Variants in ZNF432 observed in about 807,000 individuals in gnomAD.
ZNF432 encodes the protein zinc finger protein 432.
In ZNF432, 10 loss-of-function variants were observed where a neutral mutation model predicts 13.9. That is an observed-to-expected ratio of 0.72 (90% CI 0.44 to 1.22). ZNF432 has a LOEUF of 1.22. Ranked by LOEUF, ZNF432 falls within the 50% of genes most tolerant of loss-of-function variation. The probability of loss-of-function intolerance (pLI) is 0.00; values close to 1 mark genes in which losing one functional copy is unlikely to be tolerated. For synonymous variants in ZNF432, 247 were observed against 256.2 expected (o/e 0.96, Z 0.34); for missense variants, 793 against 796.2 (o/e 1.00, Z 0.05).
At chr19:52,046,136 T>C (rs2087180648) in intron 2 of ZNF432, among the ~76,000 whole-genome samples, 1 of 152,044 alleles carries the variant, frequency 6.6e-6, no homozygotes, top group African/African-American at 2.4e-5. Flanking sequence ...TTGTATATTC[T>C]GAGATGAGGT....
In ZNF432 at chr19:52,033,677, G is replaced by A. The variant is rs1040843670; in HGVS notation, c.*43C>T. 2 of 1,529,830 alleles carry A rather than the reference G, an allele frequency of 1.3e-6. No individual in the cohort carries two copies. The highest frequency in any genetic ancestry group is 1.4e-5 in the African/African-American group (1 of 72,060). 94.8% of individuals were successfully genotyped at this position (1,529,830 alleles called of 1,614,324 possible). ...CTGTGAAATCTCTGATGTTGTACAAGGCAGATTTTCTTCCCAAAGGCATGA... is the reference window on the plus strand; with the variant it reads ...CTGTGAAATCTCTGATGTTGTACAAAGCAGATTTTCTTCCCAAAGGCATGA... On this transcript the variant is annotated 3_prime_UTR_variant, in exon 5 of 5. Coordinates refer to ENST00000221315, the MANE Select transcript of ZNF432 (RefSeq NM_014650.4).
chr19:52,042,185 T>C (rs1358260659), intron 2 of ZNF432, among the ~76,000 whole-genome samples: 1 of 152,212 alleles, frequency 6.6e-6, no homozygotes, highest in Admixed American at 6.5e-5. Flanking sequence ...CACAGGTATA[T>C]GTGTCTATTA....
chr19:52,038,221 G>A (rs2087102875), intron 4 of ZNF432, among the ~76,000 whole-genome samples: 1 of 151,912 alleles, frequency 6.6e-6, no homozygotes, highest in African/African-American at 2.4e-5. Context: ...TCACTGACCT[G>A]TATTTGGCCA....
rs2087054778 is a variant in ZNF432 at position 52,034,615 on chromosome 19, G to T, written c.1064C>A (p.Thr355Asn). ...YICSECGKGF[T>N]TKHYVIIHQR... ...ATGTATGATGACATAGTGTTTTGTG[G>T]TGAAGCCTTTCCCACATTCACTACA... Residue 355 changes from threonine to asparagine, a missense_variant, in exon 5 of 5, where the codon ACC becomes AAC. Transcript: ENST00000221315. The T allele has an allele frequency of 6.2e-7, 1 of 1,613,060 alleles. No individual in the cohort carries two copies. The highest frequency in any genetic ancestry group is 1.3e-5 in the African/African-American group (1 of 74,692).
In ZNF432 at chr19:52,040,504, G is replaced by A. The variant is rs2087124003; in HGVS notation, c.222C>T (p.His74=). Residue 74 remains histidine (H), a synonymous_variant, in exon 4 of 5, where the codon CAC becomes CAT. Coordinates refer to ENST00000221315, the MANE Select transcript of ZNF432 (RefSeq NM_014650.4). ...EEPWTMEDER[H]SRICPENNEV... The stretch of plus-strand genomic sequence containing the variant: ...CTCACATACCTGGACAGATTCGACT[G>A]TGCCTTTCATCTTCCATTGTCCATG... 3 of 1,613,962 alleles carry A rather than the reference G, an allele frequency of 1.9e-6. No individual in the cohort carries two copies. The highest frequency in any genetic ancestry group is 2.5e-6 in the Non-Finnish European group (3 of 1,179,958).
In ZNF432 at chr19:52,034,307, TGTAG is replaced by T. The variant is rs1339837346; in HGVS notation, c.1368_1371del (p.Tyr457HisfsTer11). ...AAGCCTTTCCCACATTCACTGCATG[TGTAG>T]GGCTTCTCTCCTGTATGAGTTCGCT... On this transcript the variant is annotated frameshift_variant, in exon 5 of 5. Coordinates refer to ENST00000221315, the MANE Select transcript of ZNF432 (RefSeq NM_014650.4). LOFTEE classifies it low-confidence loss of function (END_TRUNC). The T allele has an allele frequency of 6.2e-7, 1 of 1,609,658 alleles. No individual in the cohort carries two copies. Among genetic ancestry groups the T allele is most frequent in the Admixed American group, 1.7e-5 (1 of 59,730 alleles).
At chr19:52,037,613 A>C (rs1341334601) in intron 4 of ZNF432, among the ~76,000 whole-genome samples, 1 of 152,022 alleles carries the variant, frequency 6.6e-6, no homozygotes, top group East Asian at 1.9e-4. Flanking sequence ...CCTGGGCAAC[A>C]TGGTGAAACA....
rs1365487579 is a variant in ZNF432, at chr19:52,032,485, G to A, written c.*1235C>T. ...GAGTTTCGCTCTTGTTGCCCAGGCTGGAATGCAATGGCGCAATCTTGGCTC... is the reference window on the plus strand; with the variant it reads ...GAGTTTCGCTCTTGTTGCCCAGGCTAGAATGCAATGGCGCAATCTTGGCTC... On this transcript the variant is annotated 3_prime_UTR_variant, in exon 5 of 5. Coordinates refer to ENST00000221315, the MANE Select transcript of ZNF432 (RefSeq NM_014650.4). 1 of 144,932 alleles carries A rather than the reference G, an allele frequency of 6.9e-6. No individual in the cohort carries two copies. Among genetic ancestry groups the A allele is most frequent in the Admixed American group, 7.2e-5 (1 of 13,842 alleles). 9.0% of individuals were successfully genotyped at this position (144,932 alleles called of 1,614,324 possible). A position where few individuals can be genotyped will look rare whatever the true frequency, so the allele number is the denominator to read the frequency against.
At chr19:52,040,657 T>C in intron 3 of ZNF432, 74 bp from the exon 4 acceptor site, 1 of 1,207,266 alleles carries the variant, frequency 8.3e-7, no homozygotes, top group Non-Finnish European at 1.2e-6. Context: ...AATGTTACAT[T>C]TAAGTAACTA....
chr19:52,032,550 C>T lies in ZNF432; in HGVS notation c.*1170G>A, dbSNP rs12460118. On this transcript the variant is annotated 3_prime_UTR_variant, in exon 5 of 5. Transcript: ENST00000221315. ...CTCCCAGGTTCAAGTGATTCTCCAG[C>T]TTAGCCTCCAGAGTAGCTGGGATTA... 29,710 of 151,422 alleles carry T rather than the reference C, an allele frequency of 0.2. 3,236 individuals carry two copies. Among genetic ancestry groups the T allele is most frequent in the East Asian group, 0.38 (1,951 of 5,134 alleles). The allele number at this position is 151,422 out of a possible 1,614,324, so 9.4% of individuals were successfully genotyped here. A position where few individuals can be genotyped will look rare whatever the true frequency, so the allele number is the denominator to read the frequency against.
intron 2 of ZNF432, among the ~76,000 whole-genome samples, chr19:52,043,413 G>A (rs2087153459): frequency 6.6e-6 from 1 of 152,124 alleles, no homozygotes; most frequent in Admixed American, 6.5e-5. Context: ...AGTACCCAGG[G>A]ACACAAACAC....
chr19:52,034,089 TACA>T lies in ZNF432; in HGVS notation c.1587_1589del (p.Val530del), dbSNP rs779767528. 18 of 1,614,068 alleles carry T rather than the reference TACA, an allele frequency of 1.1e-5. No individual in the cohort carries two copies. The highest frequency in any genetic ancestry group is 3.3e-5 in the Admixed American group (2 of 60,006). On this transcript the variant is annotated inframe_deletion, in exon 5 of 5. Transcript: ENST00000221315. ...TCTCTCCAGTATGAGTTCGCTGGTG[TACA>T]ACAAGATTGCTCTTAAAGGCAAAAC... is the stretch of plus-strand genomic sequence containing the variant.
intron 4 of ZNF432, among the ~76,000 whole-genome samples, chr19:52,039,828 C>CAA (rs562794463): frequency 1.6e-3 from 82 of 52,308 alleles, no homozygotes; most frequent in African/African-American, 5.2e-3. Context: ...GACTCCATCT[C>CAA]AAAAAAAAAA....
intron 1 of ZNF432, among the ~76,000 whole-genome samples, chr19:52,048,297 G>A (rs904038036): frequency 5.3e-5 from 8 of 151,962 alleles, no homozygotes; most frequent in Non-Finnish European, 8.8e-5. Flanking sequence ...ACGTACACTG[G>A]ATTCCCTTAA....
chr19:52,040,659 A>C, intron 3 of ZNF432, 76 bp from the exon 4 acceptor site: 1 of 1,179,660 alleles, frequency 8.5e-7, no homozygotes, highest in Non-Finnish European at 1.3e-6. Flanking sequence ...TGTTACATTT[A>C]AGTAACTAGA....
rs759790873 is a variant in ZNF432, at chr19:52,035,435, T to C, written c.244A>G (p.Asn82Asp). The C allele has an allele frequency of 3.3e-6, 5 of 1,537,038 alleles. No homozygotes were observed. Among genetic ancestry groups the C allele is most frequent in the Admixed American group, 2.3e-5 (1 of 42,586 alleles). The change falls in exon 5 of 5, where the codon AAC becomes GAC. Residue 82 changes from asparagine (N) to aspartate (D), a missense_variant. Transcript: ENST00000221315. ...TCCTGCAGATGATCATCAACTTCGTTGTTTTCTAGGAAAGAAGAGAACAAT... is the reference window on the plus strand; with the variant it reads ...TCCTGCAGATGATCATCAACTTCGTCGTTTTCTAGGAAAGAAGAGAACAAT... ...ERHSRICPEN[N>D]EVDDHLQDHL... is the part of the protein sequence containing the mutation.
Position 52,034,943 on chromosome 19 carries a change from A to G in ZNF432, c.736T>C (p.Ser246Pro). 1 of 1,612,608 alleles carries G rather than the reference A, an allele frequency of 6.2e-7. No homozygotes were observed. Among genetic ancestry groups the G allele is most frequent in the Non-Finnish European group, 8.5e-7 (1 of 1,179,542 alleles). ...ATTCTTTGATGTTCATTTAGCCTGG[A>G]CTTTCTGGAGAACACTTTTGCACAC... ...TLCAKVFSRK[S>P]RLNEHQRIHK... Residue 246 changes from serine (S) to proline (P), a missense_variant, in exon 5 of 5, where the codon TCC (serine) becomes CCC (proline). Physicochemically the swap from Ser to Pro is moderately conservative, Grantham distance 74. Coordinates refer to ENST00000221315, the MANE Select transcript of ZNF432 (RefSeq NM_014650.4).
At chr19:52,048,252 G>A (rs1056495386) in intron 1 of ZNF432, among the ~76,000 whole-genome samples, 2 of 150,274 alleles carry the variant, frequency 1.3e-5, no homozygotes, top group African/African-American at 4.9e-5. Context: ...CCACCACCCC[G>A]CCAGATAAAA....
chr19:52,031,986 G>C lies in ZNF432; in HGVS notation c.*1734C>G, dbSNP rs961095968. 1.3e-5 allele frequency: 2 copies of C among 152,152 alleles called. No individual in the cohort carries two copies. Among genetic ancestry groups the C allele is most frequent in the African/African-American group, 4.8e-5 (2 of 41,428 alleles). The allele number at this position is 152,152 out of a possible 1,614,324, so 9.4% of individuals were successfully genotyped here. ...CACTCCAACCTGGGCAACAAGAGCA[G>C]AACTCCGTGGTTTTTATTATTATGG... is the stretch of plus-strand genomic sequence containing the variant. On this transcript the variant is annotated 3_prime_UTR_variant, in exon 5 of 5. Transcript: ENST00000221315.
Sources: allele counts gnomAD v4.1 joint callset (sites outside exome capture counted in the v4.1 genomes callset), GRCh38; gene constraint gnomAD v4.1.1; transcripts MANE v1.5; gene names NCBI Gene and HGNC (gene_info 2026-07-23, HGNC 2026-07-21).